Variants in SLC30A8 observed in about 807,000 individuals in gnomAD.
SLC30A8 encodes solute carrier family 30 member 8, also known as proton-coupled zinc antiporter SLC30A8.
SLC30A8 carries 27 observed loss-of-function variants against 36.9 expected under a neutral mutation model. The observed-to-expected ratio is 0.73, with a 90% confidence interval of 0.54 to 1.01. The LOEUF (loss-of-function observed/expected upper bound fraction) is 1.01. Among genes scored for constraint, SLC30A8 ranks in the 50% least tolerant of loss-of-function variants. The pLI is 0.00. For synonymous variants in SLC30A8, 164 were observed against 172.4 expected (o/e 0.95, Z 0.38); for missense variants, 439 against 452.0 (o/e 0.97, Z 0.26).
intron 6 of SLC30A8, among the ~76,000 whole-genome samples, chr8:117,166,382 T>C (rs1398097779): frequency 6.6e-6 from 1 of 152,202 alleles, no homozygotes; most frequent in Non-Finnish European, 1.5e-5. Flanking sequence ...GATATTATTT[T>C]CTATCTTACA....
At chr8:117,084,065 CTA>C (rs1470665629) in intron 2 of SLC30A8, among the ~76,000 whole-genome samples, 4 of 152,114 alleles carry the variant, frequency 2.6e-5, no homozygotes, top group Admixed American at 1.3e-4. Context: ...ATATTTTTGA[CTA>C]TAATTTTCTC....
Position 117,001,241 on chromosome 8 carries a change from G to A in SLC30A8, c.-265-37978G>A, listed in dbSNP as rs866064445. Among the ~76,000 whole-genome samples the A allele has an allele frequency of 1.4e-3, 63 of 43,690 alleles. 1 individual carries two copies. Among genetic ancestry groups the A allele is most frequent in the African/African-American group, 4.8e-3 (62 of 13,026 alleles). The allele number at this position is 43,690 out of a possible 152,430, so 28.7% of individuals were successfully genotyped here. A position where few individuals can be genotyped will look rare whatever the true frequency, so the allele number is the denominator to read the frequency against. On this transcript the variant is annotated intron_variant, in intron 1 of 10. Coordinates refer to the SLC30A8 transcript ENST00000427715. ...TTTTTTTTTTTGGAATTTTCTCTTTGCTCATTGGGTGAATAAGAAAGCACA... is the reference window on the plus strand; with the variant it reads ...TTTTTTTTTTTGGAATTTTCTCTTTACTCATTGGGTGAATAAGAAAGCACA...
chr8:117,073,452 G>A (rs1305402095), intron 2 of SLC30A8, among the ~76,000 whole-genome samples: 1 of 151,930 alleles, frequency 6.6e-6, no homozygotes, highest in African/African-American at 2.4e-5. Flanking sequence ...TGGAGATGGG[G>A]TTTCACCATG....
intron 2 of SLC30A8, among the ~76,000 whole-genome samples, chr8:117,065,630 C>G (rs114155763): frequency 6.6e-6 from 1 of 152,038 alleles, no homozygotes; most frequent in Non-Finnish European, 1.5e-5. Flanking sequence ...TGACTTTACA[C>G]GGTCTCTGTG....
At chr8:116,967,814 C>CTCAA (rs1814648928) in intron 1 of SLC30A8, among the ~76,000 whole-genome samples, 2 of 152,106 alleles carry the variant, frequency 1.3e-5, no homozygotes, top group Admixed American at 1.3e-4. Context: ...GTACATCTAG[C>CTCAA]TCAAGTTGGT....
chr8:116,987,064 T>G (rs762156096), intron 1 of SLC30A8, among the ~76,000 whole-genome samples: 4 of 152,030 alleles, frequency 2.6e-5, no homozygotes, highest in Non-Finnish European at 4.4e-5. Context: ...CACATTGGTA[T>G]GGAAGAAAAA....
chr8:117,077,195 C>T lies in SLC30A8; in HGVS notation c.-226+37937C>T, dbSNP rs114021455. The stretch of plus-strand genomic sequence containing the variant: ...ATGGGCCACTGGCAGTCTATTCACC[C>T]AATAAAGGTGATGCCTCAGAATCCC... On this transcript the variant is annotated intron_variant, in intron 2 of 10. Transcript: ENST00000427715. Among the ~76,000 whole-genome samples the T allele has an allele frequency of 2.5e-3, 382 of 152,226 alleles. 6 individuals are homozygous for T. Among genetic ancestry groups the T allele is most frequent in the African/African-American group, 8.6e-3 (359 of 41,540 alleles).
chr8:117,090,385 C>G (rs369606449), intron 2 of SLC30A8, among the ~76,000 whole-genome samples: 6 of 152,178 alleles, frequency 3.9e-5, no homozygotes, highest in Non-Finnish European at 7.3e-5. Flanking sequence ...GTGTAAGGAG[C>G]CTGTCTTTGT....
chr8:116,984,114 A>G (rs1256547897), intron 1 of SLC30A8, among the ~76,000 whole-genome samples: 1 of 152,112 alleles, frequency 6.6e-6, no homozygotes, highest in African/African-American at 2.4e-5. Flanking sequence ...GTGTTTTTTC[A>G]TTCAGATTGT....
intron 1 of SLC30A8, among the ~76,000 whole-genome samples, chr8:117,142,046 G>C (rs1821677080): frequency 6.6e-6 from 1 of 152,048 alleles, no homozygotes; most frequent in South Asian, 2.1e-4. Flanking sequence ...TGAGGTGGTG[G>C]GTTGCCAGAG....
chr8:117,001,318 T>C (rs1036164834), intron 1 of SLC30A8, among the ~76,000 whole-genome samples: 1 of 151,728 alleles, frequency 6.6e-6, no homozygotes, highest in African/African-American at 2.4e-5. Context: ...GCATCTTTTA[T>C]GAAGTTGATA....
rs10282940 is a variant in SLC30A8, at chr8:117,175,587, G to A, written c.*2906G>A. 0.13 allele frequency: 20,249 copies of A among 152,108 alleles called. 1,654 individuals carry two copies. Among genetic ancestry groups the A allele is most frequent in the African/African-American group, 0.24 (9,753 of 41,472 alleles). The allele number at this position is 152,108 out of a possible 1,614,324, so 9.4% of individuals were successfully genotyped here. A position where few individuals can be genotyped will look rare whatever the true frequency, so the allele number is the denominator to read the frequency against. On this transcript the variant is annotated 3_prime_UTR_variant, in exon 8 of 8. Coordinates refer to ENST00000456015, the MANE Select transcript of SLC30A8 (RefSeq NM_173851.3). The stretch of plus-strand genomic sequence containing the variant: ...TCTGATCCTCTATTTCCTGATCAGT[G>A]AAACCTCCCTATTCAAATGTGTGAG...
chr8:117,058,042 A>G lies in SLC30A8; in HGVS notation c.-226+18784A>G, dbSNP rs532732634. Reference sequence around the variant, plus strand: ...GGGTTTTCTTTTCTCCACACCTTCCATAACACTTGTTATCTCATGTCTTTT... The same window carrying G: ...GGGTTTTCTTTTCTCCACACCTTCCGTAACACTTGTTATCTCATGTCTTTT... On this transcript the variant is annotated intron_variant, in intron 2 of 10. Transcript: ENST00000427715. 1.7e-3 allele frequency among the ~76,000 whole-genome samples: 260 copies of G among 152,262 alleles called. 1 individual carries two copies. The highest frequency in any genetic ancestry group is 3.2e-3 in the Non-Finnish European group (218 of 68,008).
In SLC30A8 at chr8:117,171,093, G is replaced by T. The variant is rs766829457; in HGVS notation, c.889G>T (p.Val297Leu). 1 of 1,612,864 alleles carries T rather than the reference G, an allele frequency of 6.2e-7. No individual in the cohort carries two copies. The highest frequency in any genetic ancestry group is 8.5e-7 in the Non-Finnish European group (1 of 1,179,294). Residue 297 changes from valine (V) to leucine (L), a missense_variant, in exon 7 of 8, where the codon GTG becomes TTG. Val to Leu is a conservative substitution (Grantham distance 32). Coordinates refer to ENST00000456015, the MANE Select transcript of SLC30A8 (RefSeq NM_173851.3). ...VKELILAVDG[V>L]LSVHSLHIWS... Reference sequence around the variant, plus strand: ...AGAGCTTATTTTAGCAGTCGACGGGGTGCTGTCTGTGCACAGCCTGCACAT... The same window carrying T: ...AGAGCTTATTTTAGCAGTCGACGGGTTGCTGTCTGTGCACAGCCTGCACAT...
intron 2 of SLC30A8, among the ~76,000 whole-genome samples, chr8:117,049,392 G>A (rs575431211): frequency 3.3e-5 from 5 of 152,282 alleles, no homozygotes; most frequent in African/African-American, 9.6e-5. Flanking sequence ...CAAATAGCAC[G>A]TTCTATTGCC....
chr8:116,989,464 ATATTGTT>A (rs1164194725), intron 1 of SLC30A8, among the ~76,000 whole-genome samples: 1 of 152,154 alleles, frequency 6.6e-6, no homozygotes. Flanking sequence ...ACCTCATCCT[ATATTGTT>A]TATTATTTAC....
intron 1 of SLC30A8, among the ~76,000 whole-genome samples, chr8:116,979,601 G>A (rs1815186817): frequency 1.3e-5 from 2 of 152,192 alleles, no homozygotes; most frequent in Admixed American, 1.3e-4. Flanking sequence ...TCCTTACAGT[G>A]TCCTCAGGGG....
chr8:117,069,329 G>A (rs61027543), intron 2 of SLC30A8, among the ~76,000 whole-genome samples: 38,018 of 152,084 alleles, frequency 0.25, 5,715 homozygotes, highest in African/African-American at 0.43. Context: ...GGGGATATTT[G>A]TTTTCAACCA....
intron 2 of SLC30A8, among the ~76,000 whole-genome samples, chr8:117,064,333 C>CA (rs2130789560): frequency 6.6e-6 from 1 of 152,230 alleles, no homozygotes; most frequent in South Asian, 2.1e-4. Context: ...CAAGAAGACT[C>CA]AATCTCTATA....
Sources: allele counts gnomAD v4.1 joint callset (sites outside exome capture counted in the v4.1 genomes callset), GRCh38; gene constraint gnomAD v4.1.1; transcripts MANE v1.5; gene names NCBI Gene and HGNC (gene_info 2026-07-23, HGNC 2026-07-21).